The following ITPK1 variants were observed in gnomAD, a reference collection of about 807,000 sequenced individuals.
ITPK1 encodes the protein inositol-tetrakisphosphate 1-kinase, also known as inositol 1,3,4-trisphosphate 5/6-kinase.
In ITPK1, 21 loss-of-function variants were observed where a neutral mutation model predicts 45.3. The observed-to-expected ratio is 0.46, with a 90% CI of 0.33 to 0.67. ITPK1 has a LOEUF of 0.67. Ranked by LOEUF, ITPK1 falls within the 30% of genes least tolerant of loss-of-function variation. The probability of loss-of-function intolerance (pLI) is 0.02; values close to 1 mark genes in which losing one functional copy is unlikely to be tolerated. For missense variants in ITPK1, 474 were observed against 573.5 expected (o/e 0.83, Z 1.77); for synonymous variants, 258 against 253.6 (o/e 1.02, Z -0.16).
At chr14:93,048,911 T>C (rs536413730) in intron 3 of ITPK1, among the ~76,000 whole-genome samples, 14 of 152,226 alleles carry the variant, frequency 9.2e-5, no homozygotes, top group African/African-American at 1.4e-4. Flanking sequence ...GTCACACCAC[T>C]GCACTCCAGC....
Position 92,958,283 on chromosome 14 carries a change from G to A in ITPK1, c.588C>T (p.Val196=). 6.2e-7 allele frequency: 1 copy of A among 1,614,214 alleles called. No individual in the cohort carries two copies. The highest frequency in any genetic ancestry group is 1.1e-5 in the South Asian group (1 of 91,080). ...VVQNFINHNA[V]LYKVFVVGES... ...CGCCAACCACGAACACCTTGTACAG[G>A]ACGGCGTTGTGGTTGATGAAATTCT... Residue 196 remains valine, a synonymous_variant, in exon 8 of 11, where the codon GTC becomes GTT. Coordinates refer to ENST00000267615, the MANE Select transcript of ITPK1 (RefSeq NM_014216.6). This position sits in a 1 kb window ranked among gnomAD's most constrained non-coding sequence, Gnocchi z 4.4.
intron 2 of ITPK1, among the ~76,000 whole-genome samples, chr14:93,114,677 G>C (rs1217084167): frequency 6.6e-6 from 1 of 152,192 alleles, no homozygotes; most frequent in African/African-American, 2.4e-5. Context: ...TCATGAAAGG[G>C]AAGGGGACGA....
intron 2 of ITPK1, among the ~76,000 whole-genome samples, chr14:93,088,575 C>T (rs1347980992): frequency 1.3e-5 from 2 of 151,972 alleles, no homozygotes; most frequent in East Asian, 1.9e-4. Context: ...AGGCTGGTCT[C>T]GAACTCCCAA....
chr14:92,977,944 C>T (rs535725642), intron 5 of ITPK1, among the ~76,000 whole-genome samples: 4 of 151,964 alleles, frequency 2.6e-5, no homozygotes, highest in East Asian at 3.9e-4. Flanking sequence ...AACTAGATAA[C>T]GGGCAGAGTT....
At position 92,940,666 on chromosome 14, in the gene ITPK1, G is replaced by A; in HGVS notation, c.*895C>T. ...GGCAGGCTGCATCCCAGGGGTTAGGGCACAAAGCCAGCCCTGTGGTGCTCT... is the reference window on the plus strand; with the variant it reads ...GGCAGGCTGCATCCCAGGGGTTAGGACACAAAGCCAGCCCTGTGGTGCTCT... On this transcript the variant is annotated 3_prime_UTR_variant, in exon 11 of 11. Transcript: ENST00000267615. 1.6e-6 allele frequency: 2 copies of A among 1,267,984 alleles called. No individual in the cohort carries two copies. Among genetic ancestry groups the A allele is most frequent in the Non-Finnish European group, 2.0e-6 (2 of 978,424 alleles). The allele number at this position is 1,267,984 out of a possible 1,614,324, so 78.5% of individuals were successfully genotyped here. A position where few individuals can be genotyped will look rare whatever the true frequency, so the allele number is the denominator to read the frequency against.
chr14:93,098,436 G>A (rs913087320), intron 2 of ITPK1, among the ~76,000 whole-genome samples: 6 of 148,080 alleles, frequency 4.1e-5, no homozygotes, highest in Non-Finnish European at 6.0e-5. Context: ...CAACCTGGGC[G>A]ACAGAGCGAG....
chr14:92,988,957 G>C (rs1886640855), intron 5 of ITPK1, among the ~76,000 whole-genome samples: 1 of 152,144 alleles, frequency 6.6e-6, no homozygotes, highest in Non-Finnish European at 1.5e-5. Context: ...GAGGGTTGGA[G>C]GGGTGGCGGT....
chr14:92,986,455 G>A (rs550294589), intron 5 of ITPK1, among the ~76,000 whole-genome samples: 58 of 152,220 alleles, frequency 3.8e-4, no homozygotes, highest in Non-Finnish European at 7.6e-4. Context: ...CAAACAGTCT[G>A]TTCACCAACT....
chr14:92,953,715 A>G (rs1028237137), intron 8 of ITPK1, among the ~76,000 whole-genome samples: 3 of 152,186 alleles, frequency 2.0e-5, no homozygotes, highest in Non-Finnish European at 4.4e-5. Context: ...CAGGAGCCGC[A>G]AGGAGAACAC....
At position 93,032,295 on chromosome 14, in the gene ITPK1, A is replaced by T. The variant is rs964858973; in HGVS notation, c.121-15494T>A. ...AACCCAGGAGGCGGAGGTTGCAGTG[A>T]GCCGAGATTACGCCACTGCACTCCA... On this transcript the variant is annotated intron_variant, in intron 3 of 10. Transcript: ENST00000267615. This position sits in a 1 kb window ranked among gnomAD's most constrained non-coding sequence, Gnocchi z 4.0. Among the ~76,000 whole-genome samples, 15 of 152,298 alleles carry T rather than the reference A, an allele frequency of 9.8e-5. No homozygotes were observed. The highest frequency in any genetic ancestry group is 3.6e-4 in the African/African-American group (15 of 41,560).
intron 5 of ITPK1, among the ~76,000 whole-genome samples, chr14:92,991,414 A>G (rs1458186054): frequency 6.6e-6 from 1 of 151,872 alleles, no homozygotes; most frequent in South Asian, 2.1e-4. Context: ...TTTATGGCCC[A>G]CCCACCCTAC....
At chr14:92,970,565 G>A (rs1377580841) in intron 5 of ITPK1, among the ~76,000 whole-genome samples, 1 of 152,254 alleles carries the variant, frequency 6.6e-6, no homozygotes, top group Non-Finnish European at 1.5e-5. Flanking sequence ...TGGGGCAAGA[G>A]GGGCCCCATT....
rs528690903 is a variant in ITPK1 at position 93,008,370 on chromosome 14, T to C, written c.246+8306A>G. Among the ~76,000 whole-genome samples, 23 of 143,896 alleles carry C rather than the reference T, an allele frequency of 1.6e-4. 1 individual carries two copies. In the East Asian group the frequency reaches 2.3e-3, roughly 14 times the overall value. 94.4% of individuals were successfully genotyped at this position (143,896 alleles called of 152,430 possible). On this transcript the variant is annotated intron_variant, in intron 4 of 10. Transcript: ENST00000267615. ...TGCGTCCACCAGGTCTTATTCATTG[T>C]TGCATCTGTAATGTCTTTTAGGAGA...
intron 5 of ITPK1, among the ~76,000 whole-genome samples, chr14:92,993,019 G>T (rs946252503): frequency 6.6e-6 from 1 of 152,220 alleles, no homozygotes; most frequent in Non-Finnish European, 1.5e-5. Context: ...GGTACCCACT[G>T]GTCCCACCGG....
At chr14:93,027,785 G>A (rs1566743319) in intron 3 of ITPK1, among the ~76,000 whole-genome samples, 2 of 152,104 alleles carry the variant, frequency 1.3e-5, no homozygotes, top group Admixed American at 6.5e-5. Flanking sequence ...AATGGCACAC[G>A]TGACAACCTC....
intron 3 of ITPK1, among the ~76,000 whole-genome samples, chr14:93,037,835 T>C (rs1026419931): frequency 2.0e-5 from 3 of 152,244 alleles, no homozygotes; most frequent in African/African-American, 7.2e-5. Context: ...ATCAAATTAA[T>C]GTCCATTGTA....
chr14:93,004,585 TGTGTGTGTGAGA>T (rs1341346038), intron 4 of ITPK1, among the ~76,000 whole-genome samples: 1 of 151,518 alleles, frequency 6.6e-6, no homozygotes, highest in Non-Finnish European at 1.5e-5. Flanking sequence ...AGCATATGTG[TGTGTGTGTGAGA>T]ATGAGTGTGA....
chr14:93,074,071 T>C (rs575192564), intron 3 of ITPK1, among the ~76,000 whole-genome samples: 5 of 152,350 alleles, frequency 3.3e-5, no homozygotes, highest in Non-Finnish European at 7.4e-5. Context: ...GCCAGCCAAG[T>C]GGCTTGGCTT....
intron 5 of ITPK1, among the ~76,000 whole-genome samples, chr14:92,978,632 C>G (rs1162351938): frequency 6.6e-6 from 1 of 152,002 alleles, no homozygotes. Flanking sequence ...CCCAGCTGCT[C>G]CAGCTCCAGC....
Sources: gnomAD v4.1 joint callset for allele counts (sites outside exome capture counted in the v4.1 genomes callset) on GRCh38, gnomAD v4.1.1 for gene constraint, Gnocchi (gnomAD v3.1) non-coding constraint, MANE v1.5 for transcripts, NCBI Gene and HGNC (gene_info 2026-07-23, HGNC 2026-07-21) for gene names.